The following MOG variants were observed in gnomAD, a reference collection of about 807,000 sequenced individuals.
MOG encodes the protein myelin-oligodendrocyte glycoprotein.
In MOG, 20 loss-of-function variants were observed where a neutral mutation model predicts 35.9. The ratio of observed to expected loss-of-function variants is 0.56; its 90% CI spans 0.39 to 0.81. The LOEUF (loss-of-function observed/expected upper bound fraction) is 0.81. MOG is among the 30% of genes least tolerant of loss of function. The probability of loss-of-function intolerance (pLI) is 0.00; values close to 1 mark genes in which losing one functional copy is unlikely to be tolerated. For synonymous variants in MOG, 92 were observed against 114.3 expected (o/e 0.80, Z 1.25); for missense variants, 251 against 301.0 (o/e 0.83, Z 1.23).
chr6:29,666,119 T>C (rs571414485), intron 2 of MOG, 33 bp from the exon 3 acceptor site: 1 of 1,395,746 alleles, frequency 7.2e-7, no homozygotes, highest in South Asian at 1.2e-5. Context: ...GATTCAGCTC[T>C]GGACAATGTC....
At position 29,670,582 on chromosome 6, in the gene MOG, T is replaced by C; in HGVS notation, c.710-119T>C. Reference sequence around the variant, plus strand: ...ACTGTGAAGAGAACCACTTACTGGATCTGTGGGATCCCCCAGTGGAAAGGG... The same window carrying C: ...ACTGTGAAGAGAACCACTTACTGGACCTGTGGGATCCCCCAGTGGAAAGGG... On this transcript the variant is annotated intron_variant, in intron 6 of 7. Transcript: ENST00000376917. The surrounding 1 kb of genome is among the most constrained non-coding windows in gnomAD (Gnocchi z 4.2). 1 of 1,573,400 alleles carries C rather than the reference T, an allele frequency of 6.4e-7. No individual in the cohort carries two copies. Among genetic ancestry groups the C allele is most frequent in the Non-Finnish European group, 8.7e-7 (1 of 1,155,894 alleles).
chr6:29,660,027 A>G (rs1211764283), intron 2 of MOG: 2 of 325,268 alleles, frequency 6.1e-6, no homozygotes, highest in Non-Finnish European at 5.8e-6. Flanking sequence ...GCTGTAGGAT[A>G]CAAAAACAAA....
Position 29,670,448 on chromosome 6 carries a change from C to A in MOG, c.709+51C>A. On this transcript the variant is annotated intron_variant, in intron 6 of 7. Transcript: ENST00000376917. This position sits in a 1 kb window ranked among gnomAD's most constrained non-coding sequence, Gnocchi z 4.2. ...ACCACCAAATAGTGGGGGACCAAGT[C>A]AGCTCTGAATGGGAAGCCAAAAGAG... The A allele has an allele frequency of 1.3e-6, 2 of 1,578,078 alleles. No individual in the cohort carries two copies. The highest frequency in any genetic ancestry group is 1.7e-6 in the Non-Finnish European group (2 of 1,148,192).
Position 29,670,448 on chromosome 6 carries a change from C to T in MOG, c.709+51C>T. On this transcript the variant is annotated intron_variant, in intron 6 of 7. Coordinates refer to ENST00000376917, the MANE Select transcript of MOG (RefSeq NM_206809.4). This position sits in a 1 kb window ranked among gnomAD's most constrained non-coding sequence, Gnocchi z 4.2. ...ACCACCAAATAGTGGGGGACCAAGT[C>T]AGCTCTGAATGGGAAGCCAAAAGAG... 1 of 1,578,078 alleles carries T rather than the reference C, an allele frequency of 6.3e-7. No homozygotes were observed. The highest frequency in any genetic ancestry group is 8.7e-7 in the Non-Finnish European group (1 of 1,148,192).
Position 29,657,272 on chromosome 6 carries a change from C to T in MOG, c.63C>T (p.Leu21=). Residue 21 remains leucine (L), a synonymous_variant, in exon 1 of 8, where the codon CTC becomes CTT. Transcript: ENST00000376917. ...SCLCSFLLLL[L]LQVSSSYAGQ... ...TCTGCTCCTTCCTCCTCCTCCTCCT[C>T]CTCCAAGTGTCTTCCAGCTATGCAG... 1 of 1,605,656 alleles carries T rather than the reference C, an allele frequency of 6.2e-7. No homozygotes were observed. Among genetic ancestry groups the T allele is most frequent in the East Asian group, 2.2e-5 (1 of 44,758 alleles).
intron 2 of MOG, among the ~76,000 whole-genome samples, chr6:29,665,264 T>C (rs62392949): frequency 0.05 from 7,566 of 151,954 alleles, 324 homozygotes; most frequent in East Asian, 0.17. Flanking sequence ...GTCCAGCTAA[T>C]TTTGTATTTT....
At chr6:29,660,323 C>A (rs1239693620) in intron 2 of MOG, among the ~76,000 whole-genome samples, 2 of 141,178 alleles carry the variant, frequency 1.4e-5, no homozygotes, top group African/African-American at 5.2e-5. Context: ...AGATCGAGAC[C>A]ATCCTGGCTA....
chr6:29,661,798 A>G (rs1033841509), intron 2 of MOG: 1 of 980,398 alleles, frequency 1.0e-6, no homozygotes, highest in Non-Finnish European at 1.2e-6. Context: ...TCTGGGCAAG[A>G]AAAGTGGAAC....
chr6:29,666,013 G>C (rs980130730), intron 2 of MOG, 139 bp from the exon 3 acceptor site: 2 of 756,016 alleles, frequency 2.6e-6, no homozygotes, highest in African/African-American at 3.4e-5. Flanking sequence ...CTAAGCTCAG[G>C]GACCAATTCT....
chr6:29,668,656 A>T (rs1770733971), intron 5 of MOG, among the ~76,000 whole-genome samples: 1 of 151,940 alleles, frequency 6.6e-6, no homozygotes, highest in South Asian at 2.1e-4. Context: ...TTAGGAAATT[A>T]GACCAGTGTG....
intron 2 of MOG, among the ~76,000 whole-genome samples, chr6:29,665,007 G>C (rs1216707002): frequency 1.3e-5 from 2 of 152,108 alleles, no homozygotes; most frequent in African/African-American, 4.8e-5. Flanking sequence ...CTATTAATTA[G>C]TGTAATTTCA....
intron 5 of MOG, 37 bp downstream of exon 5, chr6:29,667,961 T>G: frequency 6.2e-7 from 1 of 1,610,684 alleles, no homozygotes; most frequent in East Asian, 2.2e-5. Context: ...CCAGGTCAAC[T>G]TGGTATTTCA....
intron 2 of MOG, among the ~76,000 whole-genome samples, chr6:29,660,130 G>C (rs1768179839): frequency 6.6e-6 from 1 of 151,882 alleles, no homozygotes; most frequent in South Asian, 2.1e-4. Flanking sequence ...CAGTTACAGT[G>C]AGCTATGATT....
At chr6:29,666,512 C>G (rs922794100) in intron 3 of MOG, among the ~76,000 whole-genome samples, 2 of 152,166 alleles carry the variant, frequency 1.3e-5, no homozygotes, top group African/African-American at 4.8e-5. Flanking sequence ...CCCCATTTTA[C>G]AGAGGATACA....
At chr6:29,669,166 C>T (rs1033948611) in intron 5 of MOG, among the ~76,000 whole-genome samples, 12 of 152,174 alleles carry the variant, frequency 7.9e-5, no homozygotes, top group South Asian at 6.2e-4. Context: ...GGTGATCCAC[C>T]TGCCTTGGCC....
chr6:29,657,920 C>T (rs2747413), intron 1 of MOG, among the ~76,000 whole-genome samples: 3,829 of 152,228 alleles, frequency 0.025, 169 homozygotes, highest in African/African-American at 0.088. Flanking sequence ...GCTGAGATTA[C>T]AGGCATGAGC....
intron 1 of MOG, among the ~76,000 whole-genome samples, chr6:29,658,377 AAAAC>A (rs72372240): frequency 0.035 from 5,312 of 152,246 alleles, 114 homozygotes; most frequent in South Asian, 0.043. Context: ...CACATAGAAA[AAAAC>A]AAGGAACTTT....
At chr6:29,657,663 CTTTTTTTTTTT>C (rs9278226) in intron 1 of MOG, among the ~76,000 whole-genome samples, 2 of 110,048 alleles carry the variant, frequency 1.8e-5, no homozygotes, top group Non-Finnish European at 3.6e-5. Flanking sequence ...TTTTTCTTTT[CTTTTTTTTTTT>C]TTTTTTTTTT....
Position 29,669,312 on chromosome 6 carries a change from T to C in MOG, c.593-969T>C, listed in dbSNP as rs546007714. Among the ~76,000 whole-genome samples the C allele has an allele frequency of 8.0e-5, 12 of 150,474 alleles. 1 individual carries two copies. In the East Asian group the frequency reaches 1.2e-3, roughly 15 times the overall value. ...TCTTTCTTTCTTTCTTTCTTTCTTT[T>C]TTTTTGAGATGAAGTTTTTTTGAGA... On this transcript the variant is annotated intron_variant, in intron 5 of 7. Transcript: ENST00000376917.
Sources: allele counts gnomAD v4.1 joint callset (sites outside exome capture counted in the v4.1 genomes callset), GRCh38; gene constraint gnomAD v4.1.1; non-coding constraint Gnocchi (gnomAD v3.1); transcripts MANE v1.5; gene names NCBI Gene and HGNC (gene_info 2026-07-23, HGNC 2026-07-21).